PPP3CA: variants seen among roughly 807,000 people sequenced by gnomAD.
PPP3CA encodes protein phosphatase 3 catalytic subunit alpha.
Under a neutral mutation model 66.5 loss-of-function variants are expected in PPP3CA, and 14 were observed. The observed-to-expected ratio is 0.21, with a 90% CI of 0.14 to 0.33. The LOEUF (loss-of-function observed/expected upper bound fraction) is 0.33. PPP3CA is among the 10% of genes least tolerant of loss of function. The probability of loss-of-function intolerance (pLI) is 1.00; values close to 1 mark genes in which losing one functional copy is unlikely to be tolerated. For synonymous variants in PPP3CA, 232 were observed against 226.2 expected (o/e 1.03, Z -0.23); for missense variants, 317 against 639.5 (o/e 0.50, Z 5.44).
chr4:101,123,328 C>T lies in PPP3CA; in HGVS notation c.260-14250G>A, dbSNP rs556284967. 1.3e-4 allele frequency among the ~76,000 whole-genome samples: 20 copies of T among 152,264 alleles called. No homozygotes were observed. In the East Asian group the frequency reaches 3.7e-3, roughly 28 times the overall value. On this transcript the variant is annotated intron_variant, in intron 2 of 13. Coordinates refer to ENST00000394854, the MANE Select transcript of PPP3CA (RefSeq NM_000944.5). ...GTTCATGGTGGACTCATTCATCATG[C>T]TCATCAATGGTGAACTTGATGAAGT...
chr4:101,310,375 C>A (rs1227271404), intron 1 of PPP3CA, among the ~76,000 whole-genome samples: 1 of 151,990 alleles, frequency 6.6e-6, no homozygotes, highest in Non-Finnish European at 1.5e-5. Flanking sequence ...TTGCAAAGAA[C>A]AGAAATAGTA....
chr4:101,270,680 T>C (rs1201594800), intron 1 of PPP3CA, among the ~76,000 whole-genome samples: 1 of 152,224 alleles, frequency 6.6e-6, no homozygotes, highest in Non-Finnish European at 1.5e-5. Context: ...ACTTCCTTTA[T>C]ACTTGCTTTG....
At chr4:101,326,804 T>A (rs1729223046) in intron 1 of PPP3CA, among the ~76,000 whole-genome samples, 1 of 152,216 alleles carries the variant, frequency 6.6e-6, no homozygotes, top group African/African-American at 2.4e-5. Context: ...TCCCTTCATT[T>A]ACAAACATCT....
At chr4:101,152,827 T>C (rs948179247) in intron 2 of PPP3CA, among the ~76,000 whole-genome samples, 1 of 152,020 alleles carries the variant, frequency 6.6e-6, no homozygotes, top group Non-Finnish European at 1.5e-5. Flanking sequence ...GGCCACTGAA[T>C]GTGTGATTAA....
At chr4:101,026,192 G>A in intron 13 of PPP3CA, 131 bp from the exon 14 acceptor site, 2 of 703,310 alleles carry the variant, frequency 2.8e-6, no homozygotes, top group Non-Finnish European at 4.6e-6. Flanking sequence ...CAAAGTGACG[G>A]GACCTGCACA....
At chr4:101,293,719 C>T (rs1036525457) in intron 1 of PPP3CA, among the ~76,000 whole-genome samples, 2 of 152,218 alleles carry the variant, frequency 1.3e-5, no homozygotes, top group African/African-American at 4.8e-5. Context: ...TCCACCACAG[C>T]CATGTAATTA....
At chr4:101,232,811 A>G (rs1726005656) in intron 1 of PPP3CA, among the ~76,000 whole-genome samples, 1 of 151,654 alleles carries the variant, frequency 6.6e-6, no homozygotes, top group African/African-American at 2.4e-5. Flanking sequence ...TTGTTCTTTT[A>G]TTCTGAAAAT....
intron 1 of PPP3CA, among the ~76,000 whole-genome samples, chr4:101,222,767 C>A (rs1318443337): frequency 6.6e-6 from 1 of 151,630 alleles, no homozygotes; most frequent in African/African-American, 2.4e-5. Context: ...TATGAACGAA[C>A]TTTCATTAAA....
At chr4:101,322,093 ACAGT>A (rs1729058362) in intron 1 of PPP3CA, among the ~76,000 whole-genome samples, 1 of 152,206 alleles carries the variant, frequency 6.6e-6, no homozygotes, top group African/African-American at 2.4e-5. Context: ...TAGAGAAATA[ACAGT>A]CACTCTCTTC....
intron 5 of PPP3CA, among the ~76,000 whole-genome samples, chr4:101,097,049 C>T (rs1440832750): frequency 4.6e-5 from 7 of 152,068 alleles, no homozygotes; most frequent in Admixed American, 4.6e-4. Context: ...TTGAACTGTG[C>T]CCATGGTTAT....
At chr4:101,175,767 G>T (rs1222487446) in intron 2 of PPP3CA, among the ~76,000 whole-genome samples, 1 of 152,148 alleles carries the variant, frequency 6.6e-6, no homozygotes, top group Non-Finnish European at 1.5e-5. Context: ...AAATGGAGAG[G>T]AATTGCCAGT....
At chr4:101,179,921 T>C (rs908928865) in intron 2 of PPP3CA, among the ~76,000 whole-genome samples, 2 of 152,122 alleles carry the variant, frequency 1.3e-5, no homozygotes, top group African/African-American at 4.8e-5. Context: ...AATACAAACA[T>C]ACTCAAAACC....
intron 2 of PPP3CA, among the ~76,000 whole-genome samples, chr4:101,178,307 C>A (rs959479088): frequency 6.6e-6 from 1 of 152,064 alleles, no homozygotes; most frequent in Non-Finnish European, 1.5e-5. Flanking sequence ...TTCAGTTTTA[C>A]TTTATATGCA....
chr4:101,048,463 G>A lies in PPP3CA; in HGVS notation c.1157-7897C>T, dbSNP rs376555390. Among the ~76,000 whole-genome samples, 31 of 130,318 alleles carry A rather than the reference G, an allele frequency of 2.4e-4. 1 individual carries two copies. Among genetic ancestry groups the A allele is most frequent in the East Asian group, 2.0e-3 (7 of 3,542 alleles). The allele number at this position is 130,318 out of a possible 152,430, so 85.5% of individuals were successfully genotyped here. A position where few individuals can be genotyped will look rare whatever the true frequency, so the allele number is the denominator to read the frequency against. ...ATCCTGCACTGTTCTTCTACTTAGG[G>A]TCAGTGCAGTCAATGTGAATCCAGA... On this transcript the variant is annotated intron_variant, in intron 10 of 13. Transcript: ENST00000394854.
chr4:101,225,081 C>T (rs184597203), intron 1 of PPP3CA, among the ~76,000 whole-genome samples: 1 of 151,786 alleles, frequency 6.6e-6, no homozygotes, highest in Non-Finnish European at 1.5e-5. Context: ...TCCCTCACCC[C>T]CTTTAGGTCT....
rs561741765 is a variant in PPP3CA at position 101,160,507 on chromosome 4, A to T, written c.259+35409T>A. 1.2e-4 allele frequency among the ~76,000 whole-genome samples: 19 copies of T among 152,264 alleles called. No homozygotes were observed. The South Asian group carries it at 3.9e-3, about 32-fold the overall frequency. ...GAGTCCGATCATGGTAAATGCACAG[A>T]GTGTGCTCTATGGGATAGCTATGTG... On this transcript the variant is annotated intron_variant, in intron 2 of 13. Transcript: ENST00000394854.
intron 11 of PPP3CA, among the ~76,000 whole-genome samples, chr4:101,037,110 G>T (rs111437834): frequency 0.011 from 1,737 of 152,222 alleles, 35 homozygotes; most frequent in African/African-American, 0.04. Flanking sequence ...CTGTGGGGTG[G>T]GCTCCATGAA....
chr4:101,076,906 TTCTCA>T (rs1729220873), intron 8 of PPP3CA, among the ~76,000 whole-genome samples: 1 of 152,236 alleles, frequency 6.6e-6, no homozygotes, highest in African/African-American at 2.4e-5. Flanking sequence ...CGAACATTTT[TTCTCA>T]TCTCATAGCA....
At chr4:101,098,345 C>T (rs754809398) in intron 5 of PPP3CA, 22 bp downstream of exon 5, 2 of 1,582,800 alleles carry the variant, frequency 1.3e-6, no homozygotes, top group African/African-American at 2.7e-5. Context: ...AATGATTAGA[C>T]TTGGAAAATA....
Sources: gnomAD v4.1 joint callset for allele counts (sites outside exome capture counted in the v4.1 genomes callset) on GRCh38, gnomAD v4.1.1 for gene constraint, MANE v1.5 for transcripts, NCBI Gene and HGNC (gene_info 2026-07-23, HGNC 2026-07-21) for gene names.